ILDR2: variants seen among roughly 807,000 people sequenced by gnomAD.
The protein encoded by ILDR2 is immunoglobulin-like domain-containing receptor 2.
Under a neutral mutation model 66.8 loss-of-function variants are expected in ILDR2, and 25 were observed. That is an observed-to-expected ratio of 0.37 (90% CI 0.27 to 0.52). The LOEUF (loss-of-function observed/expected upper bound fraction) is 0.52, where lower values mean the gene tolerates loss of function less well. Ranked by LOEUF, ILDR2 falls within the 20% of genes least tolerant of loss-of-function variation. The pLI is 0.88. For missense variants in ILDR2, 827 were observed against 876.8 expected, an observed-to-expected ratio of 0.94 and a Z score of 0.72; for synonymous variants, 367 against 357.2, an observed-to-expected ratio of 1.03 and a Z score of -0.31.
intron 1 of ILDR2, among the ~76,000 whole-genome samples, chr1:166,965,999 G>T (rs188726262): frequency 6.6e-6 from 1 of 151,902 alleles, no homozygotes; most frequent in Admixed American, 6.6e-5. Flanking sequence ...TAGCATTGTC[G>T]GGATGAGAAT....
At position 166,910,156 on chromosome 1, in the gene ILDR2, T is replaced by A. The variant is rs982360877; in HGVS notation, c.*9199A>T. On this transcript the variant is annotated 3_prime_UTR_variant, in exon 10 of 10. Transcript: ENST00000271417. ...CTGGCTTCACCATAATTCTGCAGAA[T>A]CAGAGTCCTGACCTGACTTCAGAAA... 6.6e-6 allele frequency: 1 copy of A among 152,018 alleles called. No homozygotes were observed. The highest frequency in any genetic ancestry group is 2.1e-4 in the South Asian group (1 of 4,820). 9.4% of individuals were successfully genotyped at this position (152,018 alleles called of 1,614,324 possible).
At chr1:166,963,782 T>G (rs765383042) in intron 1 of ILDR2, among the ~76,000 whole-genome samples, 1 of 152,132 alleles carries the variant, frequency 6.6e-6, no homozygotes, top group Non-Finnish European at 1.5e-5. Flanking sequence ...CCCCTCCTCC[T>G]GGGCAAATAT....
intron 1 of ILDR2, among the ~76,000 whole-genome samples, chr1:166,970,625 TACTA>T (rs987029835): frequency 1.3e-5 from 2 of 152,182 alleles, no homozygotes; most frequent in African/African-American, 4.8e-5. Context: ...CTGGTACTAA[TACTA>T]ACACTGAACT....
chr1:166,958,186 T>C (rs1033589463), intron 1 of ILDR2, 85 bp from the exon 2 acceptor site: 2 of 1,117,360 alleles, frequency 1.8e-6, no homozygotes, highest in Non-Finnish European at 2.6e-6. Flanking sequence ...TCCATTTCAC[T>C]TCCCTAACTT....
rs577010493 is a variant in ILDR2 at position 166,908,414 on chromosome 1, C to T, written c.*10941G>A. 6.6e-6 allele frequency: 1 copy of T among 152,334 alleles called. No individual in the cohort carries two copies. The highest frequency in any genetic ancestry group is 2.4e-5 in the African/African-American group (1 of 41,574). 9.4% of individuals were successfully genotyped at this position (152,334 alleles called of 1,614,324 possible). The stretch of plus-strand genomic sequence containing the variant: ...AGCTCCACCCTACTGACCTAATCAC[C>T]TCCCAAAGGCCTCATGCCCAAATAC... On this transcript the variant is annotated 3_prime_UTR_variant, in exon 10 of 10. Coordinates refer to ENST00000271417, the MANE Select transcript of ILDR2 (RefSeq NM_199351.3).
At chr1:166,971,949 C>T (rs1036139444) in intron 1 of ILDR2, among the ~76,000 whole-genome samples, 4 of 152,118 alleles carry the variant, frequency 2.6e-5, no homozygotes, top group African/African-American at 9.7e-5. Flanking sequence ...TGGTGGCTCA[C>T]ATCTGTAATC....
chr1:166,941,964 C>T (rs1485772242), intron 3 of ILDR2, among the ~76,000 whole-genome samples: 3 of 152,108 alleles, frequency 2.0e-5, no homozygotes, highest in African/African-American at 4.8e-5. Context: ...CATGTTATAT[C>T]GGAAAAAGCA....
chr1:166,919,467 G>T, intron 9 of ILDR2, 77 bp from the exon 10 acceptor site: 1 of 1,400,118 alleles, frequency 7.1e-7, no homozygotes, highest in Non-Finnish European at 9.9e-7. Flanking sequence ...ATGGTTCTCT[G>T]GGCAGAGTCC....
rs1437280751 is a variant in ILDR2, at chr1:166,909,624, TG to T, written c.*9730del. The T allele has an allele frequency of 1.3e-5, 2 of 150,294 alleles. No individual in the cohort carries two copies. The highest frequency in any genetic ancestry group is 4.9e-5 in the African/African-American group (2 of 40,686). The allele number at this position is 150,294 out of a possible 1,614,324, so 9.3% of individuals were successfully genotyped here. ...CAGCAACAAAAAGAGGCTGGGAGGG[TG>T]GGGTTGTATATTAATGTCCATTATA... On this transcript the variant is annotated 3_prime_UTR_variant, in exon 10 of 10. Transcript: ENST00000271417.
intron 3 of ILDR2, among the ~76,000 whole-genome samples, chr1:166,947,485 A>G (rs1661693746): frequency 3.3e-5 from 5 of 152,246 alleles, no homozygotes; most frequent in Admixed American, 3.3e-4. Flanking sequence ...CCAATTCAGC[A>G]AAGTCGGAGG....
Position 166,936,618 on chromosome 1 carries a change from G to T in ILDR2, c.676C>A (p.Pro226Thr). The stretch of plus-strand genomic sequence containing the variant: ...GCTTGAGGGCAGCAGCAGGAATCTG[G>T]GCAGCATGGGCAGCGGACATAGCAG... ...CCCYVRCPCC[P>T]DSCCCPQALY... The change falls in exon 5 of 10, where the codon CCA (proline) becomes ACA (threonine). Residue 226 changes from proline to threonine, a missense_variant. This residue lies in a region of ILDR2 where 437 missense variants were observed against 523.2 expected (regional missense o/e 0.84). Coordinates refer to ENST00000271417, the MANE Select transcript of ILDR2 (RefSeq NM_199351.3). This position sits in a 1 kb window ranked among gnomAD's most constrained non-coding sequence, Gnocchi z 5.0. 1.2e-6 allele frequency: 2 copies of T among 1,614,024 alleles called. No individual in the cohort carries two copies. Among genetic ancestry groups the T allele is most frequent in the Non-Finnish European group, 8.5e-7 (1 of 1,179,938 alleles).
Position 166,914,960 on chromosome 1 carries a change from T to C in ILDR2, c.*4395A>G, listed in dbSNP as rs1659586686. 1 of 152,270 alleles carries C rather than the reference T, an allele frequency of 6.6e-6. No homozygotes were observed. The highest frequency in any genetic ancestry group is 2.1e-4 in the South Asian group (1 of 4,834). 9.4% of individuals were successfully genotyped at this position (152,270 alleles called of 1,614,324 possible). A position where few individuals can be genotyped will look rare whatever the true frequency, so the allele number is the denominator to read the frequency against. On this transcript the variant is annotated 3_prime_UTR_variant, in exon 10 of 10. Transcript: ENST00000271417. ...CCAAAGTGGGAGTGCTATTGGCCAG[T>C]CATCCTTATGATTTGTATGCTTTAT...
Position 166,920,977 on chromosome 1 carries a change from C to G in ILDR2, c.1614G>C (p.Arg538=). ...YLGSARERQA[R]PEGASRGGSL... The stretch of plus-strand genomic sequence containing the variant: ...TGCCACCGCGGCTGGCGCCCTCGGG[C>G]CGCGCCTGGCGCTCCCGCGCGCTGC... Residue 538 remains arginine, a synonymous_variant, in exon 9 of 10, where the codon CGG becomes CGC. Coordinates refer to ENST00000271417, the MANE Select transcript of ILDR2 (RefSeq NM_199351.3). 1 of 1,489,924 alleles carries G rather than the reference C, an allele frequency of 6.7e-7. No individual in the cohort carries two copies. Among genetic ancestry groups the G allele is most frequent in the Non-Finnish European group, 8.8e-7 (1 of 1,130,910 alleles). The allele number at this position is 1,489,924 out of a possible 1,614,324, so 92.3% of individuals were successfully genotyped here.
intron 2 of ILDR2, among the ~76,000 whole-genome samples, chr1:166,896,419 T>C (rs1168131252): frequency 6.6e-6 from 1 of 152,124 alleles, no homozygotes; most frequent in Non-Finnish European, 1.5e-5. Flanking sequence ...TTCTTTGTAC[T>C]GTAGGCTTGT....
intron 6 of ILDR2, among the ~76,000 whole-genome samples, chr1:166,930,957 G>GA (rs1660609814): frequency 6.6e-6 from 1 of 152,134 alleles, no homozygotes. Flanking sequence ...AGCATATTTG[G>GA]AAAATGACCT....
At position 166,921,178 on chromosome 1, in the gene ILDR2, G is replaced by C. The variant is rs757878899; in HGVS notation, c.1413C>G (p.Asp471Glu). Residue 471 changes from aspartate to glutamate, a missense_variant, in exon 9 of 10, where the codon GAC (aspartate) becomes GAG (glutamate). Around this residue, in one of 2 missense-constraint regions of ILDR2, gnomAD observed 390 missense variants for 353.6 expected, o/e 1.10. Transcript: ENST00000271417. This position sits in a 1 kb window ranked among gnomAD's most constrained non-coding sequence, Gnocchi z 5.3. ...GACCGTAGTACTCCTCCAAGGAGTC[G>C]TCCTGGTAGAAGCCGCTGTGCGCCC... is the stretch of plus-strand genomic sequence containing the variant. ...ESRAHSGFYQ[D>E]DSLEEYYGQR... The C allele has an allele frequency of 9.0e-6, 14 of 1,562,990 alleles. No individual in the cohort carries two copies. The highest frequency in any genetic ancestry group is 1.2e-5 in the Non-Finnish European group (14 of 1,161,556).
chr1:166,963,484 C>A (rs1389182176), intron 1 of ILDR2, among the ~76,000 whole-genome samples: 1 of 152,180 alleles, frequency 6.6e-6, no homozygotes, highest in African/African-American at 2.4e-5. Flanking sequence ...AAGATCTTCA[C>A]CATCATTTCA....
At chr1:166,973,439 T>A (rs1228079411) in intron 1 of ILDR2, among the ~76,000 whole-genome samples, 1 of 152,162 alleles carries the variant, frequency 6.6e-6, no homozygotes, top group Non-Finnish European at 1.5e-5. Context: ...AGGGCTGAAC[T>A]ACAGTTCCTG....
intron 1 of ILDR2, among the ~76,000 whole-genome samples, chr1:166,971,934 G>C (rs1182213445): frequency 6.6e-6 from 1 of 152,108 alleles, no homozygotes; most frequent in Non-Finnish European, 1.5e-5. Context: ...ATAAAGGGCC[G>C]GGCATGGTGG....
Sources: allele counts gnomAD v4.1 joint callset (sites outside exome capture counted in the v4.1 genomes callset), GRCh38; gene constraint gnomAD v4.1.1; regional missense constraint gnomAD v4.1.1; non-coding constraint Gnocchi (gnomAD v3.1); transcripts MANE v1.5; gene names NCBI Gene and HGNC (gene_info 2026-07-23, HGNC 2026-07-21).